OLA1: variants seen among roughly 807,000 people sequenced by gnomAD.
OLA1 encodes the protein obg-like ATPase 1.
OLA1 carries 14 observed loss-of-function variants against 48.4 expected under a neutral mutation model. That is an observed-to-expected ratio of 0.29 (90% CI 0.19 to 0.45). The LOEUF (loss-of-function observed/expected upper bound fraction) is 0.45. OLA1 is among the 20% of genes least tolerant of loss of function. OLA1 has a pLI of 1.00. For synonymous variants in OLA1, 127 were observed against 150.4 expected (o/e 0.84, Z 1.14); for missense variants, 325 against 467.1 (o/e 0.70, Z 2.80).
chr2:174,088,100 C>T (rs1352642781), intron 7 of OLA1, among the ~76,000 whole-genome samples: 1 of 152,196 alleles, frequency 6.6e-6, no homozygotes, highest in Non-Finnish European at 1.5e-5. Flanking sequence ...TCTCAATATA[C>T]ACAAAATGAT....
intron 1 of OLA1, chr2:174,247,888 G>T: frequency 8.0e-7 from 1 of 1,245,870 alleles, no homozygotes; most frequent in African/African-American, 1.5e-5. Context: ...CCCTTGGACT[G>T]CAAAGTGAAA....
At chr2:174,089,242 C>T (rs1296761797) in intron 7 of OLA1, among the ~76,000 whole-genome samples, 1 of 152,174 alleles carries the variant, frequency 6.6e-6, no homozygotes, top group Non-Finnish European at 1.5e-5. Flanking sequence ...TTGAACCCCA[C>T]CTCAGATCAG....
intron 4 of OLA1, among the ~76,000 whole-genome samples, chr2:174,213,345 T>A (rs1420047111): frequency 6.6e-6 from 1 of 152,188 alleles, no homozygotes; most frequent in Non-Finnish European, 1.5e-5. Flanking sequence ...GTGAATAGCC[T>A]GACAGTAGGT....
intron 4 of OLA1, among the ~76,000 whole-genome samples, chr2:174,147,454 A>C (rs1686635938): frequency 6.6e-6 from 1 of 152,108 alleles, no homozygotes; most frequent in South Asian, 2.1e-4. Context: ...AAAAAAATCA[A>C]GTCCACCTAA....
chr2:174,161,759 T>C (rs1574519004), intron 4 of OLA1, among the ~76,000 whole-genome samples: 1 of 151,592 alleles, frequency 6.6e-6, no homozygotes, highest in African/African-American at 2.4e-5. Flanking sequence ...CCCTGCATAT[T>C]CTCTTAGGTA....
chr2:174,123,501 T>C (rs1685969082), intron 6 of OLA1, 94 bp downstream of exon 6: 5 of 766,356 alleles, frequency 6.5e-6, no homozygotes, highest in South Asian at 6.1e-5. Context: ...AAAATTTAGA[T>C]ATAATGGTAA....
At chr2:174,235,869 C>T (rs566794474) in intron 2 of OLA1, among the ~76,000 whole-genome samples, 1 of 152,248 alleles carries the variant, frequency 6.6e-6, no homozygotes, top group East Asian at 1.9e-4. Flanking sequence ...GTTCTCAGGG[C>T]TCACATGGAG....
intron 4 of OLA1, among the ~76,000 whole-genome samples, chr2:174,192,140 T>C (rs543013702): frequency 1.3e-5 from 2 of 152,324 alleles, no homozygotes; most frequent in South Asian, 4.1e-4. Context: ...TTCAAAACTT[T>C]CAGTAGTTGT....
chr2:174,211,699 G>A (rs1444482509), intron 4 of OLA1, among the ~76,000 whole-genome samples: 2 of 152,056 alleles, frequency 1.3e-5, no homozygotes, highest in African/African-American at 2.4e-5. Flanking sequence ...ATAGTATAAT[G>A]TATCTTTTTC....
intron 4 of OLA1, among the ~76,000 whole-genome samples, chr2:174,160,727 A>T: frequency 6.6e-6 from 1 of 152,186 alleles, no homozygotes; most frequent in East Asian, 1.9e-4. Flanking sequence ...AGCCCTAACT[A>T]GTTGTAATCA....
At chr2:174,165,714 G>A (rs1687146478) in intron 4 of OLA1, among the ~76,000 whole-genome samples, 1 of 152,156 alleles carries the variant, frequency 6.6e-6, no homozygotes, top group Admixed American at 6.5e-5. Flanking sequence ...CAAAGGACCG[G>A]ATTAGCTTAT....
At chr2:174,123,831 A>G (rs1424723653) in intron 5 of OLA1, among the ~76,000 whole-genome samples, 156 bp from the exon 6 acceptor site, 1 of 152,212 alleles carries the variant, frequency 6.6e-6, no homozygotes, top group Non-Finnish European at 1.5e-5. Flanking sequence ...CTCATTTAAA[A>G]ACCAATTACT....
intron 2 of OLA1, among the ~76,000 whole-genome samples, chr2:174,245,908 C>T (rs890506472): frequency 1.3e-5 from 2 of 150,190 alleles, no homozygotes; most frequent in Non-Finnish European, 3.0e-5. Flanking sequence ...AAAAAGAAGA[C>T]TTTGAACACT....
intron 5 of OLA1, among the ~76,000 whole-genome samples, chr2:174,128,634 G>A (rs1289505376): frequency 6.6e-6 from 1 of 151,606 alleles, no homozygotes; most frequent in African/African-American, 2.4e-5. Context: ...CTACTCAGGA[G>A]GCTGAGGCAG....
intron 4 of OLA1, among the ~76,000 whole-genome samples, chr2:174,171,632 T>C (rs1687305999): frequency 6.6e-6 from 1 of 152,212 alleles, no homozygotes; most frequent in Non-Finnish European, 1.5e-5. Flanking sequence ...GAGAGAAGTT[T>C]GTAACTTTAA....
intron 4 of OLA1, among the ~76,000 whole-genome samples, chr2:174,204,475 G>T (rs1688066274): frequency 6.6e-6 from 1 of 152,056 alleles, no homozygotes; most frequent in Non-Finnish European, 1.5e-5. Flanking sequence ...CACTAGAAGA[G>T]AAATATAATC....
chr2:174,144,951 A>AAATATAT (rs1181030817), intron 4 of OLA1, among the ~76,000 whole-genome samples: 1 of 40,296 alleles, frequency 2.5e-5, no homozygotes, highest in South Asian at 1.7e-3. Flanking sequence ...AAAAAAAAAA[A>AAATATAT]ATATATATAT....
At chr2:174,127,751 T>C (rs1686075408) in intron 5 of OLA1, among the ~76,000 whole-genome samples, 1 of 152,100 alleles carries the variant, frequency 6.6e-6, no homozygotes, top group South Asian at 2.1e-4. Flanking sequence ...ATTAAGTAAA[T>C]GTTCTAGGTC....
chr2:174,092,844 A>G (rs1685160199), intron 7 of OLA1, among the ~76,000 whole-genome samples: 2 of 152,208 alleles, frequency 1.3e-5, no homozygotes, highest in African/African-American at 4.8e-5. Flanking sequence ...GATTGCTATA[A>G]GGCTATATAT....
Sources: allele counts gnomAD v4.1 joint callset (sites outside exome capture counted in the v4.1 genomes callset), GRCh38; gene constraint gnomAD v4.1.1; transcripts MANE v1.5; gene names NCBI Gene and HGNC (gene_info 2026-07-23, HGNC 2026-07-21).